Variants in DHRSX observed in about 807,000 individuals in gnomAD.
DHRSX encodes polyprenol dehydrogenase.
In DHRSX, 31 loss-of-function variants were observed where a neutral mutation model predicts 34.0. That is an observed-to-expected ratio of 0.91 (90% CI 0.69 to 1.23). The LOEUF (loss-of-function observed/expected upper bound fraction) is 1.23, where lower values mean the gene tolerates loss of function less well. Ranked by LOEUF, DHRSX falls within the 50% of genes most tolerant of loss-of-function variation. The probability of loss-of-function intolerance (pLI) is 0.00; values close to 1 mark genes in which losing one functional copy is unlikely to be tolerated. For synonymous variants in DHRSX, 201 were observed against 183.8 expected, an observed-to-expected ratio of 1.09 and a Z score of -0.76; for missense variants, 414 against 428.1, an observed-to-expected ratio of 0.97 and a Z score of 0.29.
Position 2,450,292 on chromosome X carries a change from T to G in DHRSX, c.110-24988A>C, listed in dbSNP as rs186313538. On this transcript the variant is annotated intron_variant, in intron 1 of 6. Coordinates refer to ENST00000334651, the MANE Select transcript of DHRSX (RefSeq NM_145177.3). ...TTTCTCAATGCTTAGGGAAAAAAAGTCAAAAGAGCAATATTATTTCTTGAC... is the reference window on the plus strand; with the variant it reads ...TTTCTCAATGCTTAGGGAAAAAAAGGCAAAAGAGCAATATTATTTCTTGAC... Among the ~76,000 whole-genome samples the G allele has an allele frequency of 3.3e-3, 506 of 152,180 alleles. 1 individual carries two copies. The highest frequency in any genetic ancestry group is 7.2e-3 in the South Asian group (35 of 4,834).
chrX:2,401,603 G>T (rs2043486800), intron 3 of DHRSX, among the ~76,000 whole-genome samples: 1 of 152,148 alleles, frequency 6.6e-6, no homozygotes, highest in Admixed American at 6.5e-5. Context: ...TGCCTTCAGT[G>T]CTTTTAAGAG....
intron 4 of DHRSX, among the ~76,000 whole-genome samples, chrX:2,283,417 G>A (rs2041756719): frequency 6.6e-6 from 1 of 152,072 alleles, no homozygotes; most frequent in Non-Finnish European, 1.5e-5. Context: ...CAGAATAAAT[G>A]GTCTACACCT....
intron 3 of DHRSX, among the ~76,000 whole-genome samples, chrX:2,324,480 T>C (rs904552018): frequency 6.6e-6 from 1 of 152,154 alleles, no homozygotes; most frequent in Admixed American, 6.6e-5. Flanking sequence ...CCCTTGGATT[T>C]TGTGTGCACG....
intron 1 of DHRSX, among the ~76,000 whole-genome samples, chrX:2,473,223 C>T (rs2044621009): frequency 6.6e-6 from 1 of 152,148 alleles, no homozygotes; most frequent in Non-Finnish European, 1.5e-5. Flanking sequence ...AAACAAGAGA[C>T]AGGAATATTG....
chrX:2,493,269 C>T (rs2045203058), intron 1 of DHRSX, among the ~76,000 whole-genome samples: 1 of 152,168 alleles, frequency 6.6e-6, no homozygotes, highest in Non-Finnish European at 1.5e-5. Flanking sequence ...CTCAAGAGGC[C>T]TCCTAAGTCC....
rs746795665 is a variant in DHRSX at position 2,220,894 on chromosome X, G to A, written c.*147C>T. ...ATTTGGCTTCTTGAAGTTCTGCAGA[G>A]GTTGAGGCAGCTGTCTCAAAACTAG... On this transcript the variant is annotated 3_prime_UTR_variant, in exon 7 of 7. Transcript: ENST00000334651. 2 of 668,938 alleles carry A rather than the reference G, an allele frequency of 3.0e-6. No homozygotes were observed. Among genetic ancestry groups the A allele is most frequent in the South Asian group, 5.2e-5 (2 of 38,766 alleles). The allele number at this position is 668,938 out of a possible 1,614,324, so 41.4% of individuals were successfully genotyped here. A position where few individuals can be genotyped will look rare whatever the true frequency, so the allele number is the denominator to read the frequency against.
At chrX:2,351,680 T>C (rs2042790198) in intron 3 of DHRSX, among the ~76,000 whole-genome samples, 1 of 152,164 alleles carries the variant, frequency 6.6e-6, no homozygotes, top group Non-Finnish European at 1.5e-5. Context: ...GGAGTTGGCA[T>C]CCTGGCTCTC....
rs1201983518 is a variant in DHRSX at position 2,375,542 on chromosome X, G to A, written c.286+33203C>T. ...GCTACAGGGTTGTTTTGGTTTCCTT[G>A]TGTGTTTGTTTCTTGATTTATTCTC... is the stretch of plus-strand genomic sequence containing the variant. On this transcript the variant is annotated intron_variant, in intron 3 of 6. Transcript: ENST00000334651. 2.2e-5 allele frequency among the ~76,000 whole-genome samples: 3 copies of A among 136,890 alleles called. 1 individual carries two copies. Among genetic ancestry groups the A allele is most frequent in the Non-Finnish European group, 5.2e-5 (3 of 58,030 alleles). 89.8% of individuals were successfully genotyped at this position (136,890 alleles called of 152,430 possible).
chrX:2,244,551 A>G (rs968012517), intron 5 of DHRSX, among the ~76,000 whole-genome samples: 8 of 152,296 alleles, frequency 5.3e-5, no homozygotes, highest in African/African-American at 1.9e-4. Flanking sequence ...TCAATAAGAC[A>G]AGGAGAAGTA....
intron 3 of DHRSX, among the ~76,000 whole-genome samples, chrX:2,405,239 A>G (rs1380925935): frequency 2.0e-5 from 3 of 152,152 alleles, no homozygotes; most frequent in Non-Finnish European, 4.4e-5. Context: ...CGGTCATCTC[A>G]GCACTTTGGG....
At chrX:2,441,142 A>G (rs2044057590) in intron 1 of DHRSX, among the ~76,000 whole-genome samples, 1 of 152,270 alleles carries the variant, frequency 6.6e-6, no homozygotes, top group Admixed American at 6.5e-5. Context: ...CAATGATCAC[A>G]CCTCGGAGCT....
chrX:2,350,501 G>A (rs781001231), intron 3 of DHRSX, among the ~76,000 whole-genome samples: 1 of 152,308 alleles, frequency 6.6e-6, no homozygotes, highest in South Asian at 2.1e-4. Context: ...ACCGCATGAT[G>A]TCACTGACAT....
intron 6 of DHRSX, among the ~76,000 whole-genome samples, chrX:2,233,037 T>C (rs1316047022): frequency 2.0e-5 from 3 of 151,954 alleles, no homozygotes; most frequent in African/African-American, 7.3e-5. Context: ...AATGGTTTTA[T>C]ACTCTTAAAG....
intron 3 of DHRSX, among the ~76,000 whole-genome samples, chrX:2,345,735 C>T (rs2042700238): frequency 6.6e-6 from 1 of 151,494 alleles, no homozygotes; most frequent in South Asian, 2.1e-4. Context: ...GGGCCTGGTC[C>T]AATCAGTTGA....
intron 4 of DHRSX, among the ~76,000 whole-genome samples, chrX:2,270,156 C>T (rs190275566): frequency 6.6e-6 from 1 of 152,142 alleles, no homozygotes; most frequent in East Asian, 1.9e-4. Context: ...GTACATGGAC[C>T]CATTTCCCTA....
intron 3 of DHRSX, among the ~76,000 whole-genome samples, chrX:2,303,681 C>T (rs1474345275): frequency 4.6e-5 from 7 of 151,886 alleles, no homozygotes; most frequent in Admixed American, 1.3e-4. Flanking sequence ...CATGCATGGA[C>T]GGATGGACGG....
Position 2,225,037 on chromosome X carries a change from TCA to T in DHRSX, c.805-3810_805-3809del, listed in dbSNP as rs978487637. Among the ~76,000 whole-genome samples, 542 of 135,422 alleles carry T rather than the reference TCA, an allele frequency of 4.0e-3. 1 individual carries two copies. The highest frequency in any genetic ancestry group is 0.015 in the African/African-American group (516 of 34,888). The allele number at this position is 135,422 out of a possible 152,430, so 88.8% of individuals were successfully genotyped here. ...TCATTCACATGCACACAGCTCACATTCACACATGCATTCACATTTACATATTC... is the reference window on the plus strand; with the variant it reads ...TCATTCACATGCACACAGCTCACATTCACATGCATTCACATTTACATATTC... On this transcript the variant is annotated intron_variant, in intron 6 of 6. Coordinates refer to ENST00000334651, the MANE Select transcript of DHRSX (RefSeq NM_145177.3).
At chrX:2,345,617 C>G (rs73189666) in intron 3 of DHRSX, among the ~76,000 whole-genome samples, 3 of 147,236 alleles carry the variant, frequency 2.0e-5, no homozygotes, top group Non-Finnish European at 3.0e-5. Flanking sequence ...GAGATCGCAT[C>G]GTACCCCAGC....
intron 1 of DHRSX, among the ~76,000 whole-genome samples, chrX:2,484,080 A>G (rs940052207): frequency 5.9e-5 from 9 of 152,124 alleles, no homozygotes; most frequent in Non-Finnish European, 1.5e-5. Context: ...GGTTCACGCG[A>G]TTCTCCTGCC....
Sources: allele counts gnomAD v4.1 joint callset (sites outside exome capture counted in the v4.1 genomes callset), GRCh38; gene constraint gnomAD v4.1.1; transcripts MANE v1.5; gene names NCBI Gene and HGNC (gene_info 2026-07-23, HGNC 2026-07-21).